CDH13: variants seen among roughly 807,000 people sequenced by gnomAD.
CDH13 encodes cadherin-13.
A neutral mutation model predicts 63.8 loss-of-function variants in CDH13; 24 were observed. That is an observed-to-expected ratio of 0.38 (90% CI 0.27 to 0.53). CDH13 has a LOEUF of 0.53. Among genes scored for constraint, CDH13 ranks in the 20% least tolerant of loss-of-function variants. The probability of loss-of-function intolerance (pLI) is 0.85; values close to 1 mark genes in which losing one functional copy is unlikely to be tolerated. For missense variants in CDH13, 1,049 were observed against 903.1 expected (o/e 1.16, Z -2.07); for synonymous variants, 503 against 355.3 (o/e 1.42, Z -4.67).
intron 4 of CDH13, among the ~76,000 whole-genome samples, chr16:83,140,908 T>A (rs2036503026): frequency 6.6e-6 from 1 of 152,170 alleles, no homozygotes; most frequent in African/African-American, 2.4e-5. Flanking sequence ...TTTTCCCAGA[T>A]AAAGGAAGAT....
intron 1 of CDH13, among the ~76,000 whole-genome samples, chr16:82,634,533 G>C (rs974203545): frequency 6.6e-6 from 1 of 152,138 alleles, no homozygotes; most frequent in Non-Finnish European, 1.5e-5. Flanking sequence ...ATTATGGCCC[G>C]TGAGCCAATT....
At chr16:83,453,754 GTATC>G (rs1380081701) in intron 6 of CDH13, among the ~76,000 whole-genome samples, 19 of 442 alleles carry the variant, frequency 0.043, no homozygotes, top group African/African-American at 0.068. Flanking sequence ...TATCCACCAT[GTATC>G]TCCACCATGT....
chr16:83,596,248 C>G (rs894212993), intron 7 of CDH13, among the ~76,000 whole-genome samples: 6 of 152,178 alleles, frequency 3.9e-5, no homozygotes, highest in African/African-American at 1.2e-4. Context: ...GGTTGCCTTC[C>G]TCATGGGCAG....
chr16:82,722,608 G>A (rs1047363554), intron 1 of CDH13, among the ~76,000 whole-genome samples: 1 of 152,170 alleles, frequency 6.6e-6, no homozygotes, highest in African/African-American at 2.4e-5. Context: ...TATGGAGAGT[G>A]AGGTGATTTC....
chr16:83,272,335 G>C (rs910545440), intron 5 of CDH13, among the ~76,000 whole-genome samples: 4 of 152,204 alleles, frequency 2.6e-5, no homozygotes, highest in African/African-American at 9.7e-5. Context: ...GCTACATAAA[G>C]AGTTAAAGGC....
chr16:83,014,866 ATG>A lies in CDH13; in HGVS notation c.158-17142_158-17141del, dbSNP rs1350335198. Among the ~76,000 whole-genome samples the A allele has an allele frequency of 1.4e-4, 17 of 122,480 alleles. No homozygotes were observed. In the East Asian group the frequency reaches 1.8e-3, roughly 13 times the overall value. The allele number at this position is 122,480 out of a possible 152,430, so 80.4% of individuals were successfully genotyped here. On this transcript the variant is annotated intron_variant, in intron 2 of 13. Transcript: ENST00000567109. Reference sequence around the variant, plus strand: ...TGTATATATATATTTGTATATATATATGTATATATATATGTTTGTGTATATAT... The same window carrying A: ...TGTATATATATATTTGTATATATATATATATATATATGTTTGTGTATATAT...
intron 7 of CDH13, among the ~76,000 whole-genome samples, chr16:83,494,549 A>G (rs1310741439): frequency 6.6e-6 from 1 of 152,234 alleles, no homozygotes; most frequent in Admixed American, 6.5e-5. Flanking sequence ...AATGACCATC[A>G]TTTAAGGAAA....
chr16:83,411,515 T>G (rs879916070), intron 6 of CDH13, among the ~76,000 whole-genome samples: 13 of 152,222 alleles, frequency 8.5e-5, no homozygotes, highest in Admixed American at 8.5e-4. Flanking sequence ...AGTCAATGAA[T>G]ATTCAAATTC....
chr16:83,453,741 CTTTATCCACCA>C (rs2072944120), intron 6 of CDH13, among the ~76,000 whole-genome samples: 1 of 149,950 alleles, frequency 6.7e-6, no homozygotes, highest in Non-Finnish European at 1.5e-5. Flanking sequence ...AAAGGAAACT[CTTTATCCACCA>C]TGTATCTCCA....
At chr16:82,892,370 C>T (rs1055569959) in intron 2 of CDH13, among the ~76,000 whole-genome samples, 1 of 152,194 alleles carries the variant, frequency 6.6e-6, no homozygotes, top group Non-Finnish European at 1.5e-5. Flanking sequence ...AACATTGGTT[C>T]GGGATGACAT....
intron 10 of CDH13, among the ~76,000 whole-genome samples, chr16:83,745,944 G>C (rs760032302): frequency 5.9e-5 from 9 of 152,172 alleles, no homozygotes; most frequent in Non-Finnish European, 1.2e-4. Context: ...TAAGTTAGCT[G>C]GGAAGCAGCA....
chr16:83,044,856 T>G (rs974637064), intron 3 of CDH13, among the ~76,000 whole-genome samples: 2 of 152,150 alleles, frequency 1.3e-5, no homozygotes, highest in African/African-American at 4.8e-5. Context: ...GGCTTTCACA[T>G]AGATGGAATA....
intron 1 of CDH13, among the ~76,000 whole-genome samples, chr16:82,676,988 A>T (rs1421583543): frequency 6.6e-6 from 1 of 152,064 alleles, no homozygotes; most frequent in Non-Finnish European, 1.5e-5. Context: ...GGTTCAAGCG[A>T]TTCTCCTGCC....
At chr16:82,754,602 G>C (rs2034543787) in intron 1 of CDH13, among the ~76,000 whole-genome samples, 1 of 152,172 alleles carries the variant, frequency 6.6e-6, no homozygotes, top group Admixed American at 6.5e-5. Flanking sequence ...CACAAAGGAA[G>C]ATGGTAGGGC....
intron 4 of CDH13, among the ~76,000 whole-genome samples, chr16:83,176,178 C>G (rs1469466778): frequency 6.7e-6 from 1 of 150,074 alleles, no homozygotes; most frequent in Non-Finnish European, 1.5e-5. Context: ...TAATATGCTT[C>G]AACACATTTC....
intron 7 of CDH13, among the ~76,000 whole-genome samples, chr16:83,537,266 C>T (rs867901333): frequency 6.6e-6 from 1 of 152,200 alleles, no homozygotes; most frequent in African/African-American, 2.4e-5. Context: ...TTTTGCATGA[C>T]TTTCCTGAGC....
chr16:83,354,694 G>A lies in CDH13; in HGVS notation c.781+9688G>A, dbSNP rs535631610. Among the ~76,000 whole-genome samples, 109 of 152,274 alleles carry A rather than the reference G, an allele frequency of 7.2e-4. 1 individual carries two copies. Among genetic ancestry groups the A allele is most frequent in the Non-Finnish European group, 1.3e-4 (9 of 68,036 alleles). On this transcript the variant is annotated intron_variant, in intron 6 of 13. Transcript: ENST00000567109. ...GAGAAAGGATGTTCCAGACGCAGGG[G>A]CCAGGAAGTGCAGAGACCTGAGGCA...
At chr16:82,909,043 A>G (rs1391377205) in intron 2 of CDH13, among the ~76,000 whole-genome samples, 1 of 152,226 alleles carries the variant, frequency 6.6e-6, no homozygotes, top group African/African-American at 2.4e-5. Flanking sequence ...CTCCATATAC[A>G]GAGGGACAAC....
At position 83,420,745 on chromosome 16, in the gene CDH13, C is replaced by T. The variant is rs549103135; in HGVS notation, c.782-65732C>T. 1.2e-3 allele frequency among the ~76,000 whole-genome samples: 176 copies of T among 152,210 alleles called. 4 individuals are homozygous for T. The South Asian group carries it at 0.033, about 28-fold the overall frequency. The stretch of plus-strand genomic sequence containing the variant: ...CAGAGAAGTCCATAGTGGCTCAGTC[C>T]GAATCCGAGAGCCCCAAAACTAGGG... On this transcript the variant is annotated intron_variant, in intron 6 of 13. Transcript: ENST00000567109.
Sources: gnomAD v4.1 joint callset for allele counts (sites outside exome capture counted in the v4.1 genomes callset) on GRCh38, gnomAD v4.1.1 for gene constraint, MANE v1.5 for transcripts, NCBI Gene and HGNC (gene_info 2026-07-23, HGNC 2026-07-21) for gene names.